CAPNS1: variants seen among roughly 807,000 people sequenced by gnomAD.
CAPNS1 encodes calpain small subunit 1, also known as CANP small subunit.
Under a neutral mutation model 39.2 loss-of-function variants are expected in CAPNS1, and 32 were observed. The ratio of observed to expected loss-of-function variants is 0.82; its 90% CI spans 0.62 to 1.10. The LOEUF is 1.10. Among genes scored for constraint, CAPNS1 ranks in the 50% least tolerant of loss-of-function variants. The probability of loss-of-function intolerance (pLI) is 0.00; values close to 1 mark genes in which losing one functional copy is unlikely to be tolerated. For synonymous variants in CAPNS1, 153 were observed against 136.2 expected, an observed-to-expected ratio of 1.12 and a Z score of -0.86; for missense variants, 353 against 373.1, an observed-to-expected ratio of 0.95 and a Z score of 0.44.
chr19:36,147,462 C>T (rs1180996979), intron 9 of CAPNS1, among the ~76,000 whole-genome samples: 1 of 152,162 alleles, frequency 6.6e-6, no homozygotes, highest in Non-Finnish European at 1.5e-5. Flanking sequence ...TCAGGTTTGG[C>T]TTTAGAAAGA....
At position 36,148,930 on chromosome 19, in the gene CAPNS1, T is replaced by TG. The variant is rs745843673; in HGVS notation, c.722-644dup. ...TCATCATGTCTAGATTCCCTGTGGG[T>TG]GGGGAACATGGAGTCAAGTTTCAGG... On this transcript the variant is annotated intron_variant, in intron 9 of 10. Coordinates refer to ENST00000246533, the MANE Select transcript of CAPNS1 (RefSeq NM_001749.4). Among the ~76,000 whole-genome samples the TG allele has an allele frequency of 1.9e-3, 283 of 151,940 alleles. 3 individuals are homozygous for TG. The highest frequency in any genetic ancestry group is 2.8e-3 in the Non-Finnish European group (193 of 67,948).
intron 2 of CAPNS1, 79 bp from the exon 3 acceptor site, chr19:36,142,221 T>C: frequency 1.2e-6 from 1 of 859,998 alleles, no homozygotes; most frequent in Non-Finnish European, 2.0e-6. Context: ...GTCTGGAGCG[T>C]TGGGGCTGAT....
chr19:36,141,493 G>A, intron 2 of CAPNS1: 1 of 1,244,850 alleles, frequency 8.0e-7, no homozygotes, highest in Non-Finnish European at 1.0e-6. Context: ...GGACTGATGT[G>A]GAGTTTTGGC....
At chr19:36,141,812 G>C in intron 2 of CAPNS1, 1 of 196,696 alleles carries the variant, frequency 5.1e-6, no homozygotes, top group Non-Finnish European at 1.0e-5. Context: ...ATCCCTTGAA[G>C]GGGCGGGGAC....
chr19:36,143,308 TTTAA>T (rs1444758141), intron 6 of CAPNS1, among the ~76,000 whole-genome samples, 180 bp downstream of exon 6: 1 of 152,170 alleles, frequency 6.6e-6, no homozygotes, highest in African/African-American at 2.4e-5. Flanking sequence ...CAGCTGGCAC[TTTAA>T]TTATATAAAG....
In CAPNS1 at chr19:36,145,802, C is replaced by T; in HGVS notation, c.457-4C>T. 1.2e-6 allele frequency: 2 copies of T among 1,613,728 alleles called. No individual in the cohort carries two copies. Among genetic ancestry groups the T allele is most frequent in the Non-Finnish European group, 1.7e-6 (2 of 1,179,676 alleles). On this transcript the variant is annotated splice_region_variant and splice_polypyrimidine_tract_variant and intron_variant, in intron 6 of 10. Transcript: ENST00000246533. ...TGTCACTCTTCTTAACACCCTCCCA[C>T]CAGAGCGACACCACAGGCAAGCTGG...
At chr19:36,149,737 G>A in intron 10 of CAPNS1, 76 bp from the exon 11 acceptor site, 1 of 1,591,330 alleles carries the variant, frequency 6.3e-7, no homozygotes, top group Non-Finnish European at 8.6e-7. Context: ...TATTTTGCCA[G>A]CCGTCCCTGG....
Position 36,142,660 on chromosome 19 carries a change from C to T in CAPNS1, c.252C>T (p.Arg84=), listed in dbSNP as rs1974419981. The part of the protein sequence containing the change: ...AQYNPEPPPP[R]THYSNIEANE... The stretch of plus-strand genomic sequence containing the variant: ...CTCTCCTCCCTTTGCAGCCCCCACG[C>T]ACACATTACTCCAACATTGAGGCCA... Residue 84 remains arginine (R), a synonymous_variant, in exon 4 of 11, where the codon CGC becomes CGT. Coordinates refer to ENST00000246533, the MANE Select transcript of CAPNS1 (RefSeq NM_001749.4). 3.1e-6 allele frequency: 5 copies of T among 1,614,106 alleles called. No individual in the cohort carries two copies. The East Asian group carries it at 1.1e-4, about 36-fold the overall frequency.
chr19:36,142,790 C>T, intron 4 of CAPNS1, 49 bp downstream of exon 4: 1 of 1,587,682 alleles, frequency 6.3e-7, no homozygotes, highest in Non-Finnish European at 8.7e-7. Flanking sequence ...CCATCCCTTC[C>T]CTTGTGGCTG....
At chr19:36,146,725 GGGA>G (rs1974580784) in intron 9 of CAPNS1, among the ~76,000 whole-genome samples, 1 of 152,214 alleles carries the variant, frequency 6.6e-6, no homozygotes, top group African/African-American at 2.4e-5. Flanking sequence ...GAGACCTGAG[GGGA>G]TGAGGAGAGA....
Position 36,143,114 on chromosome 19 carries a change from G to C in CAPNS1, c.442G>C (p.Val148Leu). 1 of 1,614,142 alleles carries C rather than the reference G, an allele frequency of 6.2e-7. No individual in the cohort carries two copies. Among genetic ancestry groups the C allele is most frequent in the Non-Finnish European group, 8.5e-7 (1 of 1,180,008 alleles). ...TGGCATTGACACATGTCGCAGCATGGTGGCCGTGATGGATGTATCCTTGGG... is the reference window on the plus strand; with the variant it reads ...TGGCATTGACACATGTCGCAGCATGCTGGCCGTGATGGATGTATCCTTGGG... ...GFGIDTCRSM[V>L]AVMDSDTTGK... The change falls in exon 6 of 11, where the codon GTG becomes CTG. Residue 148 changes from valine (V) to leucine (L), a missense_variant. By Grantham distance (32) the Val-to-Leu change is conservative. Transcript: ENST00000246533.
chr19:36,142,260 C>A, intron 2 of CAPNS1, 40 bp from the exon 3 acceptor site: 1 of 1,490,232 alleles, frequency 6.7e-7, no homozygotes, highest in Non-Finnish European at 9.4e-7. Context: ...GTTGGAGGCC[C>A]CGCCCCTGGC....
In CAPNS1 at chr19:36,146,023, T is replaced by G; in HGVS notation, c.573T>G (p.Ser191Arg). The G allele has an allele frequency of 1.2e-6, 2 of 1,614,098 alleles. No individual in the cohort carries two copies. The highest frequency in any genetic ancestry group is 2.7e-5 in the African/African-American group (2 of 75,024). Residue 191 changes from serine (S) to arginine (R), a missense_variant, in exon 8 of 11, where the codon AGT becomes AGG. Physicochemically the swap from Ser to Arg is moderately radical, Grantham distance 110. Coordinates refer to ENST00000246533, the MANE Select transcript of CAPNS1 (RefSeq NM_001749.4). ...FDTDRSGTIC[S>R]SELPGAFEAA... ...CTGACCGATCAGGGACCATTTGCAG[T>G]AGTGAACTCCCAGGTGCCTTTGAGG...
At chr19:36,141,287 G>T (rs1974363715) in intron 2 of CAPNS1, 67 bp downstream of exon 2, 5 of 1,451,394 alleles carry the variant, frequency 3.4e-6, no homozygotes, top group Non-Finnish European at 3.6e-6. Flanking sequence ...GCGTGGTCTG[G>T]GAGGGGCGTG....
intron 6 of CAPNS1, chr19:36,144,212 A>T (rs542489435): frequency 6.6e-6 from 1 of 151,672 alleles, no homozygotes; most frequent in African/African-American, 2.4e-5. Context: ...GAAAAATAAC[A>T]ATAACAAAAA....
At position 36,141,098 on chromosome 19, in the gene CAPNS1, T is replaced by G; in HGVS notation, c.87T>G (p.Leu29=). Reference sequence around the variant, plus strand: ...TGGGTGGGGGCCTGGGAAATGTGCTTGGAGGCCTGATCAGCGGGGCCGGGG... The same window carrying G: ...TGGGTGGGGGCCTGGGAAATGTGCTGGGAGGCCTGATCAGCGGGGCCGGGG... The part of the protein sequence containing the change: ...GGLGGGLGNV[L]GGLISGAGGG... Residue 29 remains leucine (L), a synonymous_variant, in exon 2 of 11, where the codon CTT becomes CTG. Transcript: ENST00000246533. 1 of 1,433,520 alleles carries G rather than the reference T, an allele frequency of 7.0e-7. No homozygotes were observed. The highest frequency in any genetic ancestry group is 9.2e-7 in the Non-Finnish European group (1 of 1,088,200). 88.8% of individuals were successfully genotyped at this position (1,433,520 alleles called of 1,614,324 possible).
intron 9 of CAPNS1, among the ~76,000 whole-genome samples, chr19:36,147,130 G>A (rs1004756319): frequency 2.6e-5 from 4 of 152,274 alleles, no homozygotes; most frequent in African/African-American, 9.6e-5. Flanking sequence ...ACAGGCATGA[G>A]CCATTGCATG....
Position 36,143,055 on chromosome 19 carries a change from TACCCACAG to T in CAPNS1, c.392-4_395del. 1 of 1,614,188 alleles carries T rather than the reference TACCCACAG, an allele frequency of 6.2e-7. No individual in the cohort carries two copies. The highest frequency in any genetic ancestry group is 2.2e-5 in the East Asian group (1 of 44,884). The stretch of plus-strand genomic sequence containing the variant: ...CTCTGGCCTCTGACTTTCAACCTGT[TACCCACAG>T]ACCCTGATCTGAAGACTGATGGTTT... On this transcript the variant is annotated splice_acceptor_variant and splice_polypyrimidine_tract_variant and intron_variant, in intron 5 of 10. Transcript: ENST00000246533. LOFTEE classifies it high-confidence loss of function.
At chr19:36,140,600 C>T (rs923043869) in intron 1 of CAPNS1, 3 of 182,020 alleles carry the variant, frequency 1.6e-5, no homozygotes, top group Admixed American at 1.3e-4. Context: ...CCCTTTAGGC[C>T]GTGGATGTTT....
Sources: gnomAD v4.1 joint callset for allele counts (sites outside exome capture counted in the v4.1 genomes callset) on GRCh38, gnomAD v4.1.1 for gene constraint, MANE v1.5 for transcripts, NCBI Gene and HGNC (gene_info 2026-07-23, HGNC 2026-07-21) for gene names.